The following LMAN2 variants were observed in gnomAD, a reference collection of about 807,000 sequenced individuals.
LMAN2 encodes the protein lectin, mannose binding 2.
A neutral mutation model predicts 39.3 loss-of-function variants in LMAN2; 22 were observed. The observed-to-expected ratio is 0.56, with a 90% CI of 0.40 to 0.80. LMAN2 has a LOEUF of 0.80. Ranked by LOEUF, LMAN2 falls within the 30% of genes least tolerant of loss-of-function variation. The probability of loss-of-function intolerance (pLI) is 0.00; values close to 1 mark genes in which losing one functional copy is unlikely to be tolerated. For missense variants in LMAN2, 494 were observed against 505.4 expected (o/e 0.98, Z 0.22); for synonymous variants, 207 against 207.8 (o/e 1.00, Z 0.03).
chr5:177,342,808 C>CAA (rs558635384), intron 2 of LMAN2, among the ~76,000 whole-genome samples: 1 of 94,240 alleles, frequency 1.1e-5, no homozygotes, highest in Non-Finnish European at 2.3e-5. Context: ...AAAGCACAGA[C>CAA]AAAAAAAAAA....
intron 6 of LMAN2, 110 bp from the exon 7 acceptor site, chr5:177,334,513 C>A: frequency 6.9e-7 from 1 of 1,451,920 alleles, no homozygotes; most frequent in Non-Finnish European, 9.1e-7. Context: ...ACCTGCCAGG[C>A]CCCTGGGGAG....
chr5:177,334,363 C>T lies in LMAN2; in HGVS notation c.831G>A (p.Met277Ile), dbSNP rs781452340. The change falls in exon 7 of 8, where the codon ATG (methionine) becomes ATA (isoleucine). Residue 277 changes from methionine to isoleucine, a missense_variant. Coordinates refer to ENST00000303127, the MANE Select transcript of LMAN2 (RefSeq NM_006816.3). Reference sequence around the variant, plus strand: ...TCTCCTCGTCGGGCGTGTGCTCCACCATCAGCTGGAACAGCTTCATGGAGA... The same window carrying T: ...TCTCCTCGTCGGGCGTGTGCTCCACTATCAGCTGGAACAGCTTCATGGAGA... ...DIISMKLFQL[M>I]VEHTPDEESI... The T allele has an allele frequency of 3.7e-6, 6 of 1,613,646 alleles. No individual in the cohort carries two copies. The South Asian group carries it at 5.5e-5, about 15-fold the overall frequency.
chr5:177,351,342 G>A (rs1292559694), intron 1 of LMAN2, 51 bp from the exon 2 acceptor site: 29 of 1,609,402 alleles, frequency 1.8e-5, no homozygotes, highest in Non-Finnish European at 2.3e-5. Context: ...GGCCTCACCA[G>A]AGGCAGGAAA....
intron 2 of LMAN2, among the ~76,000 whole-genome samples, chr5:177,345,028 T>A (rs1234572431): frequency 6.6e-6 from 1 of 152,030 alleles, no homozygotes; most frequent in South Asian, 2.1e-4. Context: ...TTTTTTTACA[T>A]AGCCATGACA....
At chr5:177,338,248 T>C (rs1001944374) in intron 3 of LMAN2, among the ~76,000 whole-genome samples, 8 of 152,212 alleles carry the variant, frequency 5.3e-5, no homozygotes, top group Non-Finnish European at 1.0e-4. Context: ...ACCAGGCCAA[T>C]GAGGGTGTAG....
chr5:177,332,662 C>G lies in LMAN2; in HGVS notation c.911-416G>C, dbSNP rs543625980. Among the ~76,000 whole-genome samples, 126 of 152,272 alleles carry G rather than the reference C, an allele frequency of 8.3e-4. No homozygotes were observed. The highest frequency in any genetic ancestry group is 3.4e-3 in the Middle Eastern group (1 of 292). ...CGGCCCTGGTCACAGGCTCTCCCAG[C>G]CCACAGCTGGATGCTCTCGGCAGCC... On this transcript the variant is annotated intron_variant, in intron 7 of 7. Coordinates refer to ENST00000303127, the MANE Select transcript of LMAN2 (RefSeq NM_006816.3). This position sits in a 1 kb window ranked among gnomAD's most constrained non-coding sequence, Gnocchi z 6.3.
intron 7 of LMAN2, among the ~76,000 whole-genome samples, chr5:177,333,478 A>G (rs1761420876): frequency 1.3e-5 from 2 of 152,246 alleles, no homozygotes; most frequent in Non-Finnish European, 2.9e-5. Flanking sequence ...TCCCCAAAAC[A>G]TTTCAAAATA....
chr5:177,344,128 G>A (rs1225040431), intron 2 of LMAN2, among the ~76,000 whole-genome samples: 2 of 151,528 alleles, frequency 1.3e-5, no homozygotes, highest in African/African-American at 4.9e-5. Flanking sequence ...CTAAGCAGGA[G>A]GATCACTGGA....
At position 177,337,059 on chromosome 5, in the gene LMAN2, C is replaced by A; in HGVS notation, c.790+77G>T. On this transcript the variant is annotated intron_variant, in intron 6 of 7. Coordinates refer to ENST00000303127, the MANE Select transcript of LMAN2 (RefSeq NM_006816.3). This position sits in a 1 kb window ranked among gnomAD's most constrained non-coding sequence, Gnocchi z 8.2. ...AGCTCAGAAACCACATGAAGGCAGGCAATCAACTGCATGGAAAGCTCCCAG... is the reference window on the plus strand; with the variant it reads ...AGCTCAGAAACCACATGAAGGCAGGAAATCAACTGCATGGAAAGCTCCCAG... The A allele has an allele frequency of 9.5e-7, 1 of 1,054,494 alleles. No individual in the cohort carries two copies. Among genetic ancestry groups the A allele is most frequent in the Non-Finnish European group, 1.4e-6 (1 of 694,376 alleles). The allele number at this position is 1,054,494 out of a possible 1,614,324, so 65.3% of individuals were successfully genotyped here. A position where few individuals can be genotyped will look rare whatever the true frequency, so the allele number is the denominator to read the frequency against.
chr5:177,336,928 A>C, intron 6 of LMAN2: 2 of 585,702 alleles, frequency 3.4e-6, no homozygotes, highest in Non-Finnish European at 3.0e-6. Flanking sequence ...CATTTACAGA[A>C]GAAAGGAGGA....
intron 2 of LMAN2, among the ~76,000 whole-genome samples, chr5:177,350,304 G>C (rs544406973): frequency 3.9e-5 from 6 of 152,314 alleles, no homozygotes; most frequent in African/African-American, 1.4e-4. Flanking sequence ...GCCATGGGAA[G>C]GGCTGAGATT....
At chr5:177,347,332 G>T (rs1380824500) in intron 2 of LMAN2, among the ~76,000 whole-genome samples, 1 of 152,086 alleles carries the variant, frequency 6.6e-6, no homozygotes, top group African/African-American at 2.4e-5. Context: ...CGGGGAGGCT[G>T]GTTTCAGGAA....
intron 2 of LMAN2, among the ~76,000 whole-genome samples, chr5:177,345,448 G>A (rs1376795813): frequency 6.6e-6 from 1 of 151,316 alleles, no homozygotes; most frequent in East Asian, 1.9e-4. Flanking sequence ...GGTTAAAGTG[G>A]TAAATTTTAT....
In LMAN2 at chr5:177,337,186, A is replaced by G; in HGVS notation, c.740T>C (p.Leu247Pro). The change falls in exon 6 of 8, where the codon CTG becomes CCG. Residue 247 changes from leucine (L) to proline (P), a missense_variant. Coordinates refer to ENST00000303127, the MANE Select transcript of LMAN2 (RefSeq NM_006816.3). This position sits in a 1 kb window ranked among gnomAD's most constrained non-coding sequence, Gnocchi z 8.2. ...GGCCCCGAAGTAGTAGCCGGTGGGC[A>G]GGCGCACTCCCGTGATGTCAATGCA... ...KNCIDITGVRLPTGYYFGASA... is the reference protein window; with the variant it reads ...KNCIDITGVRPPTGYYFGASA... 1 of 1,613,992 alleles carries G rather than the reference A, an allele frequency of 6.2e-7. No homozygotes were observed. The highest frequency in any genetic ancestry group is 1.3e-5 in the African/African-American group (1 of 75,068).
intron 2 of LMAN2, among the ~76,000 whole-genome samples, chr5:177,338,849 C>T (rs1761513179): frequency 6.6e-6 from 1 of 152,200 alleles, no homozygotes; most frequent in South Asian, 2.1e-4. Flanking sequence ...CTGCCTGAGG[C>T]CCAGACCCCG....
chr5:177,343,960 A>G (rs986907971), intron 2 of LMAN2, among the ~76,000 whole-genome samples: 30 of 152,174 alleles, frequency 2.0e-4, no homozygotes, highest in African/African-American at 7.2e-4. Context: ...CTGTAATCCC[A>G]GCACTTTGGG....
chr5:177,336,555 G>A (rs928904252), intron 6 of LMAN2, among the ~76,000 whole-genome samples: 2 of 152,176 alleles, frequency 1.3e-5, no homozygotes, highest in East Asian at 3.8e-4. Flanking sequence ...GTGGTGAGAC[G>A]TGCTGTGAAA....
chr5:177,348,464 A>G (rs1350116170), intron 2 of LMAN2, among the ~76,000 whole-genome samples: 1 of 152,146 alleles, frequency 6.6e-6, no homozygotes, highest in Non-Finnish European at 1.5e-5. Context: ...AGGTGGGCAG[A>G]TCACTTGAGG....
At position 177,337,831 on chromosome 5, in the gene LMAN2, G is replaced by A. The variant is rs200117951; in HGVS notation, c.434-46C>T. On this transcript the variant is annotated intron_variant, in intron 3 of 7. Transcript: ENST00000303127. This position sits in a 1 kb window ranked among gnomAD's most constrained non-coding sequence, Gnocchi z 8.2. ...TCTCAGAATGGGAGAAACAGGAGCCGTCCCATGGGTACCTAAAAGGCAAGC... is the reference window on the plus strand; with the variant it reads ...TCTCAGAATGGGAGAAACAGGAGCCATCCCATGGGTACCTAAAAGGCAAGC... 184 of 1,559,814 alleles carry A rather than the reference G, an allele frequency of 1.2e-4. No individual in the cohort carries two copies. The highest frequency in any genetic ancestry group is 3.3e-4 in the Middle Eastern group (2 of 6,012).
Sources: gnomAD v4.1 joint callset for allele counts (sites outside exome capture counted in the v4.1 genomes callset) on GRCh38, gnomAD v4.1.1 for gene constraint, Gnocchi (gnomAD v3.1) non-coding constraint, MANE v1.5 for transcripts, NCBI Gene and HGNC (gene_info 2026-07-23, HGNC 2026-07-21) for gene names.